Variants in ZNF560 observed in about 807,000 individuals in gnomAD.
The protein encoded by ZNF560 is zinc finger protein 560.
ZNF560 carries 54 observed loss-of-function variants against 81.8 expected under a neutral mutation model. The observed-to-expected ratio is 0.66, with a 90% confidence interval of 0.53 to 0.83. The LOEUF (loss-of-function observed/expected upper bound fraction) is 0.83. Among genes scored for constraint, ZNF560 ranks in the 40% least tolerant of loss-of-function variants. ZNF560 has a pLI of 0.00. For missense variants in ZNF560, 940 were observed against 932.4 expected, an observed-to-expected ratio of 1.01 and a Z score of -0.11; for synonymous variants, 321 against 317.9, an observed-to-expected ratio of 1.01 and a Z score of -0.10.
intron 2 of ZNF560, among the ~76,000 whole-genome samples, chr19:9,492,005 A>AG (rs60320877): frequency 1 from 151,128 of 151,132 alleles, 75,562 homozygotes; most frequent in Non-Finnish European, 1. Context: ...GGGGGGGGAC[A>AG]GGTCTCACTC....
intron 2 of ZNF560, among the ~76,000 whole-genome samples, chr19:9,482,782 CCTGCCGAGTGCCTGCAATTGCA>C (rs1432185453): frequency 6.6e-6 from 1 of 152,142 alleles, no homozygotes; most frequent in Non-Finnish European, 1.5e-5. Flanking sequence ...CCTGCCTCAG[CCTGCCGAGTGCCTGCAATTGCA>C]GGCGTGCGCC....
chr19:9,500,605 G>C (rs187833236), upstream of ZNF560, among the ~76,000 whole-genome samples: 3 of 151,324 alleles, frequency 2.0e-5, no homozygotes, highest in East Asian at 5.9e-4. Context: ...AGACAATCTC[G>C]CTCTGTCACC....
intron 2 of ZNF560, among the ~76,000 whole-genome samples, chr19:9,479,901 C>T (rs2073259585): frequency 6.6e-6 from 1 of 152,054 alleles, no homozygotes; most frequent in South Asian, 2.1e-4. Flanking sequence ...GGGGGGTTAT[C>T]CTGAAACAAA....
chr19:9,505,288 A>C, the ZNF560 span, among the ~76,000 whole-genome samples: 1 of 152,350 alleles, frequency 6.6e-6, no homozygotes, highest in Non-Finnish European at 1.5e-5. Context: ...TATATTATAA[A>C]GTCTTTTACT....
At chr19:9,457,216 T>C in the ZNF560 span, among the ~76,000 whole-genome samples, 2 of 152,186 alleles carry the variant, frequency 1.3e-5, no homozygotes, top group African/African-American at 4.8e-5. Flanking sequence ...TTAACTGACT[T>C]AAGGGCTATT....
chr19:9,470,404 GGTTCTT>G lies in ZNF560; in HGVS notation c.430_435del (p.Lys144_Asn145del), dbSNP rs1224187324. On this transcript the variant is annotated inframe_deletion, in exon 7 of 10. Transcript: ENST00000301480. ...ATGCCAGACTTACCTACTGAGGACA[GGTTCTT>G]GTAGTTCTCCAGCATCACATCACTG... 6.2e-7 allele frequency: 1 copy of G among 1,612,586 alleles called. No individual in the cohort carries two copies.
chr19:9,453,706 A>G, the ZNF560 span, among the ~76,000 whole-genome samples: 82 of 152,380 alleles, frequency 5.4e-4, no homozygotes, highest in African/African-American at 1.8e-3. Context: ...AATTGAGTCC[A>G]TGCTTTGAAT....
chr19:9,449,836 G>T, the ZNF560 span, among the ~76,000 whole-genome samples: 1 of 152,098 alleles, frequency 6.6e-6, no homozygotes, highest in Admixed American at 6.6e-5. Flanking sequence ...AGGTGTGCCA[G>T]TCTGTGCCTG....
At chr19:9,501,670 AT>A (rs199804616), upstream of ZNF560, among the ~76,000 whole-genome samples, 5 of 148,342 alleles carry the variant, frequency 3.4e-5, no homozygotes, top group African/African-American at 1.2e-4. Context: ...TAATTTTTGT[AT>A]TTTTTTTTGT....
chr19:9,496,099 T>C (rs1400231662), intron 2 of ZNF560, among the ~76,000 whole-genome samples: 2 of 152,182 alleles, frequency 1.3e-5, no homozygotes, highest in Non-Finnish European at 2.9e-5. Flanking sequence ...CTTATAAAAA[T>C]GTTAACTACA....
downstream of ZNF560, among the ~76,000 whole-genome samples, chr19:9,465,297 A>G (rs1013415894): frequency 1.3e-5 from 2 of 151,962 alleles, no homozygotes; most frequent in Non-Finnish European, 2.9e-5. Flanking sequence ...TGCCCAGCTA[A>G]TTTTTGTATT....
chr19:9,448,989 C>T, the ZNF560 span, among the ~76,000 whole-genome samples: 2 of 152,216 alleles, frequency 1.3e-5, no homozygotes, highest in Admixed American at 1.3e-4. Flanking sequence ...TAACCTTCAA[C>T]ATTGGAGCAT....
intron 2 of ZNF560, among the ~76,000 whole-genome samples, chr19:9,493,554 G>T (rs932890769): frequency 6.6e-6 from 1 of 151,914 alleles, no homozygotes; most frequent in Non-Finnish European, 1.5e-5. Context: ...TAGAGACAGG[G>T]GTTCACCATG....
chr19:9,455,394 A>T, the ZNF560 span, among the ~76,000 whole-genome samples: 1 of 152,192 alleles, frequency 6.6e-6, no homozygotes, highest in Non-Finnish European at 1.5e-5. Flanking sequence ...GCTTCTATTC[A>T]AGCTGCCTGC....
chr19:9,480,227 AAAC>A (rs201069248), intron 2 of ZNF560, among the ~76,000 whole-genome samples: 10 of 152,260 alleles, frequency 6.6e-5, no homozygotes, highest in East Asian at 3.9e-4. Flanking sequence ...TTAGGTCACA[AAAC>A]AACAACAACA....
Position 9,467,130 on chromosome 19 carries a change from C to G in ZNF560, c.1817G>C (p.Gly606Ala). 6.2e-7 allele frequency: 1 copy of G among 1,613,956 alleles called. No homozygotes were observed. Among genetic ancestry groups the G allele is most frequent in the Middle Eastern group, 1.7e-4 (1 of 5,938 alleles). Residue 606 changes from glycine to alanine, a missense_variant, in exon 10 of 10, where the codon GGA becomes GCA. Gly to Ala is a moderately conservative substitution (Grantham distance 60). Transcript: ENST00000301480. ...ATCTGAGCGTTCTGTGAAGGCTTTT[C>G]CACATTTCTTACATTCATATGGCTT... ...GEKPYECKKC[G>A]KAFTERSDLT...
At chr19:9,498,002 C>A (rs1346023911) in intron 2 of ZNF560, 126 bp downstream of exon 2, 1 of 152,140 alleles carries the variant, frequency 6.6e-6, no homozygotes, top group East Asian at 1.9e-4. Context: ...TCTACCGGAA[C>A]GTAATGTGTC....
At chr19:9,491,825 CAAAAAAA>C (rs1337657281) in intron 2 of ZNF560, among the ~76,000 whole-genome samples, 1 of 28,950 alleles carries the variant, frequency 3.5e-5, no homozygotes, top group South Asian at 1.4e-3. Context: ...GACTCCGTCT[CAAAAAAA>C]AAAAAAAAAA....
At chr19:9,451,416 A>G in the ZNF560 span, among the ~76,000 whole-genome samples, 1 of 152,242 alleles carries the variant, frequency 6.6e-6, no homozygotes, top group Non-Finnish European at 1.5e-5. Context: ...CTGGCTAGCC[A>G]TATGCAGAAG....
Sources: gnomAD v4.1 joint callset for allele counts (sites outside exome capture counted in the v4.1 genomes callset) on GRCh38, gnomAD v4.1.1 for gene constraint, MANE v1.5 for transcripts, NCBI Gene and HGNC (gene_info 2026-07-23, HGNC 2026-07-21) for gene names.